The following TJP2 variants were observed in gnomAD, a reference collection of about 807,000 sequenced individuals.
The protein encoded by TJP2 is tight junction protein 2, also known as Friedreich ataxia region gene X104 (tight junction protein ZO-2).
TJP2 carries 91 observed loss-of-function variants against 133.1 expected under a neutral mutation model. That is an observed-to-expected ratio of 0.68 (90% CI 0.58 to 0.81). The LOEUF is 0.81. Among genes scored for constraint, TJP2 ranks in the 40% least tolerant of loss-of-function variants. The probability of loss-of-function intolerance (pLI) is 0.00; values close to 1 mark genes in which losing one functional copy is unlikely to be tolerated. For missense variants in TJP2, 1,541 were observed against 1,565.6 expected (o/e 0.98, Z 0.26); for synonymous variants, 592 against 583.4 (o/e 1.01, Z -0.21).
chr9:69,141,467 C>G (rs189230636), intron 1 of TJP2, among the ~76,000 whole-genome samples: 1 of 135,850 alleles, frequency 7.4e-6, no homozygotes, highest in African/African-American at 2.5e-5. Flanking sequence ...GTCTTTCAGT[C>G]TCACTGTTTT....
upstream of TJP2, chr9:69,174,233 G>A: frequency 1.3e-6 from 2 of 1,494,580 alleles, no homozygotes; most frequent in Admixed American, 2.1e-5. Flanking sequence ...GGACAAAGGG[G>A]TGGGTCCCCG....
At chr9:69,130,015 CAAAAAA>C (rs11355311) in intron 1 of TJP2, among the ~76,000 whole-genome samples, 2 of 94,176 alleles carry the variant, frequency 2.1e-5, no homozygotes, top group Non-Finnish European at 4.3e-5. Context: ...AACTCTGCCT[CAAAAAA>C]AAAAAAAAAA....
Position 69,137,794 on chromosome 9 carries a change from C to T in TJP2, c.-130-13857C>T, listed in dbSNP as rs575165030. 5.9e-5 allele frequency among the ~76,000 whole-genome samples: 9 copies of T among 152,308 alleles called. No homozygotes were observed. The South Asian group carries it at 1.9e-3, about 32-fold the overall frequency. ...TCACAGCTCATCTTGTCATTTGCCT[C>T]AGATCTTTCCTCCTCTTCCTCTACT... On this transcript the variant is annotated intron_variant, in intron 1 of 5. Transcript: ENST00000423935.
At chr9:69,135,753 G>A (rs1267728409) in intron 1 of TJP2, among the ~76,000 whole-genome samples, 1 of 152,078 alleles carries the variant, frequency 6.6e-6, no homozygotes, top group African/African-American at 2.4e-5. Flanking sequence ...CTATAGGCTC[G>A]CGCCATCACG....
At chr9:69,232,263 A>G (rs1829843069) in intron 11 of TJP2, among the ~76,000 whole-genome samples, 1 of 152,240 alleles carries the variant, frequency 6.6e-6, no homozygotes, top group Non-Finnish European at 1.5e-5. Flanking sequence ...TGTTGACTAC[A>G]AAAGAAGCTT....
chr9:69,183,500 C>T (rs1046617775), intron 1 of TJP2, among the ~76,000 whole-genome samples: 4 of 152,166 alleles, frequency 2.6e-5, no homozygotes, highest in Admixed American at 6.5e-5. Flanking sequence ...GTATTTGTTG[C>T]GTGAGATTCA....
intron 1 of TJP2, among the ~76,000 whole-genome samples, chr9:69,206,061 T>C (rs1827379360): frequency 6.6e-6 from 1 of 152,170 alleles, no homozygotes; most frequent in South Asian, 2.1e-4. Context: ...AACCTTACTG[T>C]TAATGCATTA....
intron 1 of TJP2, among the ~76,000 whole-genome samples, chr9:69,209,072 A>T (rs924811253): frequency 1.1e-4 from 16 of 152,188 alleles, no homozygotes; most frequent in Admixed American, 9.8e-4. Context: ...AAGGTGTTCT[A>T]TGGAAATGGA....
intron 15 of TJP2, 74 bp from the exon 16 acceptor site, chr9:69,238,636 T>C: frequency 8.4e-7 from 1 of 1,188,994 alleles, no homozygotes; most frequent in East Asian, 2.5e-5. Flanking sequence ...CATCATTGCT[T>C]GATGCTAGGT....
At chr9:69,203,274 T>A (rs958471081) in intron 1 of TJP2, among the ~76,000 whole-genome samples, 1 of 151,976 alleles carries the variant, frequency 6.6e-6, no homozygotes, top group African/African-American at 2.4e-5. Context: ...CTTGCTTAGA[T>A]TCCAAGGTCC....
In TJP2 at chr9:69,238,315, C is replaced by G. The variant is rs539291545; in HGVS notation, c.2275+342C>G. On this transcript the variant is annotated intron_variant, in intron 15 of 22. Transcript: ENST00000377245. ...GATGTGGTGTGATTTTGTATATAGT[C>G]CATTTTCCACGTTTTCTTAATTGTC... 2.0e-5 allele frequency among the ~76,000 whole-genome samples: 3 copies of G among 152,296 alleles called. No homozygotes were observed. The East Asian group carries it at 5.8e-4, about 29-fold the overall frequency.
intron 1 of TJP2, among the ~76,000 whole-genome samples, chr9:69,191,183 G>A (rs1438266830): frequency 6.6e-6 from 1 of 152,210 alleles, no homozygotes; most frequent in Non-Finnish European, 1.5e-5. Flanking sequence ...CTGATAACAA[G>A]GGCCACTTGA....
At position 69,205,036 on chromosome 9, in the gene TJP2, G is replaced by A. The variant is rs1042059781; in HGVS notation, c.61-7512G>A. 4.2e-6 allele frequency: 6 copies of A among 1,434,388 alleles called. No individual in the cohort carries two copies. The African/African-American group carries it at 7.1e-5, about 17-fold the overall frequency. 88.9% of individuals were successfully genotyped at this position (1,434,388 alleles called of 1,614,324 possible). ...ATATGGATGTGTCACTGTGTGAGAT[G>A]ACAACAGGATTTGCTGGAAATGTGG... is the stretch of plus-strand genomic sequence containing the variant. On this transcript the variant is annotated intron_variant, in intron 1 of 22. Transcript: ENST00000377245.
At position 69,177,707 on chromosome 9, in the gene TJP2, C is replaced by T. The variant is rs538309415; in HGVS notation, c.60+3275C>T. The stretch of plus-strand genomic sequence containing the variant: ...TTGCCCAGGCTGAAGTGTGGTGGTG[C>T]GGTCTTGGCTCACTGCAACCTCTGC... On this transcript the variant is annotated intron_variant, in intron 1 of 22. Coordinates refer to ENST00000377245, the MANE Select transcript of TJP2 (RefSeq NM_004817.4). Among the ~76,000 whole-genome samples the T allele has an allele frequency of 2.2e-4, 34 of 151,488 alleles. 1 individual carries two copies. In the South Asian group the frequency reaches 5.0e-3, roughly 22 times the overall value.
chr9:69,233,776 C>CAA (rs112402776), intron 11 of TJP2, among the ~76,000 whole-genome samples: 1,529 of 144,204 alleles, frequency 0.011, 25 homozygotes, highest in African/African-American at 0.037. Flanking sequence ...GACTACATCT[C>CAA]AAAAAAAAAA....
At chr9:69,166,256 G>A (rs1824351737) in intron 2 of TJP2, among the ~76,000 whole-genome samples, 1 of 152,082 alleles carries the variant, frequency 6.6e-6, no homozygotes, top group Non-Finnish European at 1.5e-5. Flanking sequence ...GACTACAGGT[G>A]TGTACCACCA....
chr9:69,225,319 T>C lies in TJP2; in HGVS notation c.968T>C (p.Leu323Pro). The C allele has an allele frequency of 6.2e-7, 1 of 1,613,316 alleles. No homozygotes were observed. The highest frequency in any genetic ancestry group is 8.5e-7 in the Non-Finnish European group (1 of 1,179,342). Residue 323 changes from leucine to proline, a missense_variant, in exon 6 of 23, where the codon CTT becomes CCT. Physicochemically the swap from Leu to Pro is moderately conservative, Grantham distance 98. Coordinates refer to ENST00000377245, the MANE Select transcript of TJP2 (RefSeq NM_004817.4). Reference sequence around the variant, plus strand: ...TGTCTCCTAGAGTATGGTCTCCGGCTTGGGAGTCAGATCTTCGTAAAGGAA... The same window carrying C: ...TGTCTCCTAGAGTATGGTCTCCGGCCTGGGAGTCAGATCTTCGTAAAGGAA... Reference protein sequence around the residue: ...SRANEEYGLRLGSQIFVKEMT... With the variant: ...SRANEEYGLRPGSQIFVKEMT...
intron 17 of TJP2, among the ~76,000 whole-genome samples, chr9:69,241,547 A>G (rs1329806850): frequency 1.3e-5 from 2 of 152,194 alleles, no homozygotes; most frequent in Non-Finnish European, 2.9e-5. Flanking sequence ...ACTGTGGCCA[A>G]ATGGAGAGAG....
chr9:69,193,289 C>G (rs374546876), intron 1 of TJP2, among the ~76,000 whole-genome samples: 6 of 151,754 alleles, frequency 4.0e-5, no homozygotes, highest in African/African-American at 1.5e-4. Context: ...CGTAGGGAAC[C>G]GGCAGTCTCT....
Sources: allele counts gnomAD v4.1 joint callset (sites outside exome capture counted in the v4.1 genomes callset), GRCh38; gene constraint gnomAD v4.1.1; transcripts MANE v1.5; gene names NCBI Gene and HGNC (gene_info 2026-07-23, HGNC 2026-07-21).